MBLAC2: variants seen among roughly 807,000 people sequenced by gnomAD.
MBLAC2 encodes acyl-coenzyme A thioesterase MBLAC2.
A neutral mutation model predicts 23.3 loss-of-function variants in MBLAC2; 24 were observed. The ratio of observed to expected loss-of-function variants is 1.03; its 90% CI spans 0.75 to 1.45. MBLAC2 has a LOEUF of 1.45. Among genes scored for constraint, MBLAC2 ranks in the 40% most tolerant of loss-of-function variants. MBLAC2 has a pLI of 0.00. For synonymous variants in MBLAC2, 162 were observed against 150.9 expected, an observed-to-expected ratio of 1.07 and a Z score of -0.54; for missense variants, 358 against 370.0, an observed-to-expected ratio of 0.97 and a Z score of 0.27.
Position 90,461,345 on chromosome 5 carries a change from C to T in MBLAC2, c.662G>A (p.Arg221Lys), listed in dbSNP as rs762982935. The T allele has an allele frequency of 6.2e-7, 1 of 1,614,088 alleles. No homozygotes were observed. Residue 221 changes from arginine to lysine, a missense_variant, in exon 2 of 2, where the codon AGA becomes AAA. Physicochemically the swap from Arg to Lys is conservative, Grantham distance 26. Coordinates refer to ENST00000316610, the MANE Select transcript of MBLAC2 (RefSeq NM_203406.2). The stretch of plus-strand genomic sequence containing the variant: ...AGGAAGCACCTTCTCTACCAGACCT[C>T]TGTCCACTAATTCTATTAGACGTTC... ...TCERLIELVD[R>K]GLVEKVLPGH...
At chr5:90,466,454 T>A (rs1344951502) in intron 1 of MBLAC2, among the ~76,000 whole-genome samples, 1 of 152,158 alleles carries the variant, frequency 6.6e-6, no homozygotes, top group African/African-American at 2.4e-5. Context: ...GGGCTAGACA[T>A]AGAGCTCTTA....
At position 90,461,003 on chromosome 5, in the gene MBLAC2, A is replaced by G; in HGVS notation, c.*164T>C. 4.9e-6 allele frequency: 3 copies of G among 615,304 alleles called. No individual in the cohort carries two copies. Among genetic ancestry groups the G allele is most frequent in the Non-Finnish European group, 7.8e-6 (3 of 383,312 alleles). The allele number at this position is 615,304 out of a possible 1,614,324, so 38.1% of individuals were successfully genotyped here. A position where few individuals can be genotyped will look rare whatever the true frequency, so the allele number is the denominator to read the frequency against. The stretch of plus-strand genomic sequence containing the variant: ...GCTTCTTTCTTGGAAGAAAGAAAAC[A>G]ATTTAAACTAACAATTTTCTTTTTG... On this transcript the variant is annotated 3_prime_UTR_variant, in exon 2 of 2. Transcript: ENST00000316610.
In MBLAC2 at chr5:90,459,304, T is replaced by C. The variant is rs1476757722; in HGVS notation, c.*1863A>G. The C allele has an allele frequency of 6.6e-6, 1 of 152,466 alleles. No individual in the cohort carries two copies. The highest frequency in any genetic ancestry group is 1.5e-5 in the Non-Finnish European group (1 of 67,980). The allele number at this position is 152,466 out of a possible 1,614,324, so 9.4% of individuals were successfully genotyped here. Reference sequence around the variant, plus strand: ...CTTTTTGATTGAAGTAAAGGTTCATTTGGTGGCATGTGGCAGTTCAGCTTG... The same window carrying C: ...CTTTTTGATTGAAGTAAAGGTTCATCTGGTGGCATGTGGCAGTTCAGCTTG... On this transcript the variant is annotated 3_prime_UTR_variant, in exon 2 of 2. Transcript: ENST00000316610.
intron 1 of MBLAC2, among the ~76,000 whole-genome samples, chr5:90,466,116 C>A (rs925481543): frequency 6.6e-6 from 1 of 152,130 alleles, no homozygotes; most frequent in African/African-American, 2.4e-5. Flanking sequence ...TGGCTAAGAT[C>A]AAGTGTACAA....
intron 1 of MBLAC2, among the ~76,000 whole-genome samples, chr5:90,470,217 G>T (rs982599864): frequency 2.0e-5 from 3 of 152,162 alleles, no homozygotes; most frequent in Admixed American, 2.0e-4. Context: ...GGGTAGGGGG[G>T]AAGGGAATGA....
rs80346974 is a variant in MBLAC2 at position 90,473,470 on chromosome 5, A to G, written c.454+369T>C. 3,556 of 574,868 alleles carry G rather than the reference A, an allele frequency of 6.2e-3. 19 individuals carry two copies. Among genetic ancestry groups the G allele is most frequent in the Non-Finnish European group, 8.9e-3 (2,921 of 327,968 alleles). 35.6% of individuals were successfully genotyped at this position (574,868 alleles called of 1,614,324 possible). A position where few individuals can be genotyped will look rare whatever the true frequency, so the allele number is the denominator to read the frequency against. ...ATTCCTTAAAAGTCTGCTCACTACG[A>G]AAGCTCCTGGAAATGTCGGGCAGGT... On this transcript the variant is annotated intron_variant, in intron 1 of 1. Transcript: ENST00000316610.
Position 90,461,090 on chromosome 5 carries a change from GCTCA to G in MBLAC2, c.*73_*76del, listed in dbSNP as rs557026096. 55 of 1,183,234 alleles carry G rather than the reference GCTCA, an allele frequency of 4.6e-5. No homozygotes were observed. The African/African-American group carries it at 5.1e-4, about 11-fold the overall frequency. The allele number at this position is 1,183,234 out of a possible 1,614,324, so 73.3% of individuals were successfully genotyped here. Reference sequence around the variant, plus strand: ...GTGGTATAAAAGCACTTCATGAAATGCTCACTATTAATCAGTTAAATAGCACAGA... The same window carrying G: ...GTGGTATAAAAGCACTTCATGAAATGCTATTAATCAGTTAAATAGCACAGA... On this transcript the variant is annotated 3_prime_UTR_variant, in exon 2 of 2. Transcript: ENST00000316610.
Position 90,460,674 on chromosome 5 carries a change from T to C in MBLAC2, c.*493A>G, listed in dbSNP as rs571549996. 6.6e-6 allele frequency: 1 copy of C among 152,644 alleles called. No individual in the cohort carries two copies. The highest frequency in any genetic ancestry group is 1.9e-4 in the East Asian group (1 of 5,196). The allele number at this position is 152,644 out of a possible 1,614,324, so 9.5% of individuals were successfully genotyped here. ...CATAAAAAATTCAGGACCATAACAA[T>C]GGAATGTTTTAGTTGTCATTCTCAA... On this transcript the variant is annotated 3_prime_UTR_variant, in exon 2 of 2. Coordinates refer to ENST00000316610, the MANE Select transcript of MBLAC2 (RefSeq NM_203406.2).
rs770778767 is a variant in MBLAC2 at position 90,458,393 on chromosome 5, G to A, written c.*2774C>T. 3.3e-5 allele frequency: 5 copies of A among 152,072 alleles called. No individual in the cohort carries two copies. The highest frequency in any genetic ancestry group is 6.5e-5 in the Admixed American group (1 of 15,284). 9.4% of individuals were successfully genotyped at this position (152,072 alleles called of 1,614,324 possible). On this transcript the variant is annotated 3_prime_UTR_variant, in exon 2 of 2. Coordinates refer to ENST00000316610, the MANE Select transcript of MBLAC2 (RefSeq NM_203406.2). ...GGCTTCTCAGTTGAAAGAAAACATCGAGTAAGGAAAATGAATTTCCAGTGA... is the reference window on the plus strand; with the variant it reads ...GGCTTCTCAGTTGAAAGAAAACATCAAGTAAGGAAAATGAATTTCCAGTGA...
chr5:90,465,896 C>A (rs764710436), intron 1 of MBLAC2, among the ~76,000 whole-genome samples: 1 of 152,132 alleles, frequency 6.6e-6, no homozygotes, highest in Non-Finnish European at 1.5e-5. Context: ...CCATACATGG[C>A]TAGTGGCTAC....
At chr5:90,470,911 G>A (rs1022671852) in intron 1 of MBLAC2, among the ~76,000 whole-genome samples, 5 of 152,010 alleles carry the variant, frequency 3.3e-5, no homozygotes, top group African/African-American at 1.2e-4. Context: ...AGAGGGAGGG[G>A]CATTCACTAG....
intron 1 of MBLAC2, among the ~76,000 whole-genome samples, chr5:90,470,785 C>CACACACACACACACACACACACACACAA (rs3220210): frequency 1.4e-5 from 2 of 148,068 alleles, no homozygotes; most frequent in African/African-American, 2.5e-5. Flanking sequence ...CACACACACA[C>CACACACACACACACACACACACACACAA]GCTTTCTTTC....
intron 1 of MBLAC2, among the ~76,000 whole-genome samples, chr5:90,463,862 T>G (rs934360029): frequency 2.6e-5 from 4 of 151,992 alleles, no homozygotes; most frequent in Non-Finnish European, 4.4e-5. Flanking sequence ...AAGAAAAAAT[T>G]AGAGAAGATA....
At position 90,474,716 on chromosome 5, in the gene MBLAC2, C is replaced by G. The variant is rs1272351143; in HGVS notation, c.-424G>C. On this transcript the variant is annotated 5_prime_UTR_variant, in exon 1 of 2. Coordinates refer to ENST00000316610, the MANE Select transcript of MBLAC2 (RefSeq NM_203406.2). ...AGCTAGAACCGCCCACCCACTGGCTCTGCAGGGCGCGCACTCCCAGCTGGC... is the reference window on the plus strand; with the variant it reads ...AGCTAGAACCGCCCACCCACTGGCTGTGCAGGGCGCGCACTCCCAGCTGGC... 4.9e-6 allele frequency: 1 copy of G among 204,376 alleles called. No homozygotes were observed. The highest frequency in any genetic ancestry group is 9.9e-6 in the Non-Finnish European group (1 of 101,438). 12.7% of individuals were successfully genotyped at this position (204,376 alleles called of 1,614,324 possible).
In MBLAC2 at chr5:90,474,176, C is replaced by T; in HGVS notation, c.117G>A (p.Glu39=). Residue 39 remains glutamate (E), a synonymous_variant, in exon 1 of 2, where the codon GAG becomes GAA. Coordinates refer to ENST00000316610, the MANE Select transcript of MBLAC2 (RefSeq NM_203406.2). ...RANIWLVRGS[E]QDVVIDTGLG... ...GGCCTGTATCGATCACCACGTCCTG[C>T]TCGGAGCCGCGCACCAGCCAGATGT... 6.2e-7 allele frequency: 1 copy of T among 1,605,146 alleles called. No individual in the cohort carries two copies.
At chr5:90,471,329 T>C (rs911876429) in intron 1 of MBLAC2, among the ~76,000 whole-genome samples, 2 of 152,180 alleles carry the variant, frequency 1.3e-5, no homozygotes, top group Admixed American at 1.3e-4. Flanking sequence ...GGTTTAAACA[T>C]GTATGTAATA....
At chr5:90,473,766 A>G in intron 1 of MBLAC2, 73 bp downstream of exon 1, 1 of 1,407,256 alleles carries the variant, frequency 7.1e-7, no homozygotes, top group Non-Finnish European at 9.8e-7. Context: ...CAAGTCTGCA[A>G]CATGCGGCAC....
intron 1 of MBLAC2, among the ~76,000 whole-genome samples, chr5:90,470,785 C>CACACACA (rs3220210): frequency 1.4e-5 from 2 of 148,068 alleles, no homozygotes; most frequent in Admixed American, 1.4e-4. Flanking sequence ...CACACACACA[C>CACACACA]GCTTTCTTTC....
At chr5:90,473,685 G>A (rs1000882163) in intron 1 of MBLAC2, 154 bp downstream of exon 1, 1 of 783,634 alleles carries the variant, frequency 1.3e-6, no homozygotes, top group African/African-American at 1.7e-5. Context: ...GGTCAAGTGG[G>A]TTTTTACTCA....
Sources: allele counts gnomAD v4.1 joint callset (sites outside exome capture counted in the v4.1 genomes callset), GRCh38; gene constraint gnomAD v4.1.1; transcripts MANE v1.5; gene names NCBI Gene and HGNC (gene_info 2026-07-23, HGNC 2026-07-21).